Variants in TM9SF3 observed in about 807,000 individuals in gnomAD.
The protein encoded by TM9SF3 is SM-11044-binding protein.
Under a neutral mutation model 78.6 loss-of-function variants are expected in TM9SF3, and 14 were observed. The ratio of observed to expected loss-of-function variants is 0.18; its 90% confidence interval spans 0.12 to 0.28. The LOEUF (loss-of-function observed/expected upper bound fraction) is 0.28. Among genes scored for constraint, TM9SF3 ranks in the 10% least tolerant of loss-of-function variants. The pLI is 1.00. For missense variants in TM9SF3, 496 were observed against 721.9 expected, an observed-to-expected ratio of 0.69 and a Z score of 3.59; for synonymous variants, 231 against 241.7, an observed-to-expected ratio of 0.96 and a Z score of 0.41.
chr10:96,558,545 C>G (rs1350602246), intron 5 of TM9SF3, among the ~76,000 whole-genome samples: 1 of 151,584 alleles, frequency 6.6e-6, no homozygotes, highest in East Asian at 1.9e-4. Context: ...ACTCGGGAGG[C>G]TGAGGCAGGA....
chr10:96,586,060 T>C (rs1848624866), intron 1 of TM9SF3, among the ~76,000 whole-genome samples: 1 of 152,202 alleles, frequency 6.6e-6, no homozygotes, highest in Non-Finnish European at 1.5e-5. Flanking sequence ...AGTTAGAGAC[T>C]ATCGGGATGG....
chr10:96,543,463 T>TAGCTGGGACCACAGGC (rs1848059868), intron 9 of TM9SF3: 1 of 151,530 alleles, frequency 6.6e-6, no homozygotes, highest in Admixed American at 6.6e-5. Context: ...GCCTCCTGAA[T>TAGCTGGGACCACAGGC]AGCTGGGACC....
At chr10:96,529,241 T>A (rs1033572438) in intron 11 of TM9SF3, among the ~76,000 whole-genome samples, 1 of 152,174 alleles carries the variant, frequency 6.6e-6, no homozygotes, top group Non-Finnish European at 1.5e-5. Flanking sequence ...CCATAGCATA[T>A]GCAGAGCTGG....
chr10:96,547,775 G>T, intron 8 of TM9SF3, 120 bp downstream of exon 8: 2 of 768,666 alleles, frequency 2.6e-6, no homozygotes, highest in Non-Finnish European at 4.2e-6. Flanking sequence ...AGCAGAGATT[G>T]CACCACTGCA....
rs112328400 is a variant in TM9SF3, at chr10:96,522,202, T to C, written c.*61A>G. ...TCTTCTTGCGTTTGTTTGTTTTTGC[T>C]GTGCAAGTTCCACCCCTATGAAAAA... On this transcript the variant is annotated 3_prime_UTR_variant, in exon 15 of 15. Coordinates refer to ENST00000371142, the MANE Select transcript of TM9SF3 (RefSeq NM_020123.4). 14 of 1,404,470 alleles carry C rather than the reference T, an allele frequency of 1.0e-5. No individual in the cohort carries two copies. The highest frequency in any genetic ancestry group is 2.0e-5 in the Admixed American group (1 of 49,590). The allele number at this position is 1,404,470 out of a possible 1,614,324, so 87.0% of individuals were successfully genotyped here.
chr10:96,558,219 GT>G (rs1361441119), intron 5 of TM9SF3, among the ~76,000 whole-genome samples: 1 of 152,164 alleles, frequency 6.6e-6, no homozygotes, highest in Non-Finnish European at 1.5e-5. Flanking sequence ...GAAATTATCT[GT>G]GTCCATACCC....
chr10:96,576,365 T>C (rs1196322121), intron 2 of TM9SF3: 1 of 234,338 alleles, frequency 4.3e-6, no homozygotes, highest in Admixed American at 5.6e-5. Flanking sequence ...TACACCTCAT[T>C]TACAGACTAA....
chr10:96,573,440 T>G (rs1464933146), intron 2 of TM9SF3, among the ~76,000 whole-genome samples: 3 of 152,196 alleles, frequency 2.0e-5, no homozygotes, highest in Non-Finnish European at 4.4e-5. Context: ...CATCTACTAT[T>G]TCATCTGGAC....
chr10:96,569,947 G>A (rs964421183), intron 2 of TM9SF3, among the ~76,000 whole-genome samples: 4 of 152,160 alleles, frequency 2.6e-5, no homozygotes, highest in Admixed American at 6.5e-5. Context: ...CAGGAGAATC[G>A]CGTGAGGTTG....
At chr10:96,560,206 G>C (rs1240246174) in intron 4 of TM9SF3, 3 of 1,015,100 alleles carry the variant, frequency 3.0e-6, no homozygotes, top group Non-Finnish European at 4.6e-6. Context: ...GATGGACATG[G>C]ACATGAGCCC....
At chr10:96,548,797 C>CAAA (rs5787196) in intron 7 of TM9SF3, among the ~76,000 whole-genome samples, 11 of 58,442 alleles carry the variant, frequency 1.9e-4, no homozygotes, top group East Asian at 5.1e-4. Flanking sequence ...GACTCCATCT[C>CAAA]AAAAAAAAAA....
intron 9 of TM9SF3, among the ~76,000 whole-genome samples, chr10:96,538,345 C>T (rs1014849805): frequency 6.6e-6 from 1 of 152,064 alleles, no homozygotes; most frequent in African/African-American, 2.4e-5. Flanking sequence ...AAACAAAACC[C>T]CTCTGGCCCT....
chr10:96,553,173 A>C, intron 5 of TM9SF3, 114 bp from the exon 6 acceptor site: 5 of 1,172,228 alleles, frequency 4.3e-6, no homozygotes, highest in Non-Finnish European at 5.6e-6. Flanking sequence ...CTTTAATTAA[A>C]TCCTTTAGAC....
In TM9SF3 at chr10:96,534,326, G is replaced by A. The variant is rs183079027; in HGVS notation, c.1186-1136C>T. ...AGACTCAGGAACTCAATTTATCTGC[G>A]TTTCAGTTTAGGCCTAGGCCTATGA... On this transcript the variant is annotated intron_variant, in intron 9 of 14. Transcript: ENST00000371142. Among the ~76,000 whole-genome samples the A allele has an allele frequency of 3.4e-4, 52 of 152,226 alleles. 1 individual carries two copies. Among genetic ancestry groups the A allele is most frequent in the Admixed American group, 3.0e-3 (46 of 15,300 alleles).
At chr10:96,558,753 C>T (rs374487762) in intron 5 of TM9SF3, among the ~76,000 whole-genome samples, 1 of 151,864 alleles carries the variant, frequency 6.6e-6, no homozygotes, top group East Asian at 1.9e-4. Flanking sequence ...AAGAATGGAA[C>T]CTAACAGTAA....
At chr10:96,576,934 A>T in intron 1 of TM9SF3, 105 bp from the exon 2 acceptor site, 1 of 831,140 alleles carries the variant, frequency 1.2e-6, no homozygotes, top group Non-Finnish European at 1.7e-6. Context: ...ATCTCTGTTC[A>T]GGAAGCTATA....
chr10:96,542,369 T>C (rs1468282541), intron 9 of TM9SF3, among the ~76,000 whole-genome samples: 1 of 152,208 alleles, frequency 6.6e-6, no homozygotes, highest in Non-Finnish European at 1.5e-5. Context: ...AGTCTTTTAC[T>C]CACTAAAGAA....
At chr10:96,533,742 T>C (rs899026892) in intron 9 of TM9SF3, among the ~76,000 whole-genome samples, 3 of 152,196 alleles carry the variant, frequency 2.0e-5, no homozygotes, top group African/African-American at 4.8e-5. Flanking sequence ...TACACTACCT[T>C]GGAATCCTAA....
intron 3 of TM9SF3, 140 bp from the exon 4 acceptor site, chr10:96,562,278 C>T (rs1184743395): frequency 6.1e-6 from 4 of 661,040 alleles, no homozygotes; most frequent in African/African-American, 5.6e-5. Flanking sequence ...TTGACTCTCC[C>T]TTCACCTTCT....
Sources: gnomAD v4.1 joint callset for allele counts (sites outside exome capture counted in the v4.1 genomes callset) on GRCh38, gnomAD v4.1.1 for gene constraint, MANE v1.5 for transcripts, NCBI Gene and HGNC (gene_info 2026-07-23, HGNC 2026-07-21) for gene names.